The following TG variants were observed in gnomAD, a reference collection of about 807,000 sequenced individuals.
The protein encoded by TG is thyroid hormones.
In TG, 270 loss-of-function variants were observed where a neutral mutation model predicts 324.7. That is an observed-to-expected ratio of 0.83 (90% confidence interval 0.75 to 0.92). The LOEUF (loss-of-function observed/expected upper bound fraction) is 0.92, where lower values mean the gene tolerates loss of function less well. Among genes scored for constraint, TG ranks in the 40% least tolerant of loss-of-function variants. The pLI is 0.00. For synonymous variants in TG, 1,401 were observed against 1,327.0 expected, an observed-to-expected ratio of 1.06 and a Z score of -1.21; for missense variants, 3,591 against 3,456.4, an observed-to-expected ratio of 1.04 and a Z score of -0.98.
chr8:133,099,843 A>G (rs1004783536), intron 43 of TG, among the ~76,000 whole-genome samples: 1 of 152,156 alleles, frequency 6.6e-6, no homozygotes, highest in African/African-American at 2.4e-5. Flanking sequence ...CTCTTCTGCT[A>G]TCACCCTGAT....
Position 133,098,520 on chromosome 8 carries a change from G to A in TG, c.7572+2147G>A, listed in dbSNP as rs16904831. Among the ~76,000 whole-genome samples the A allele has an allele frequency of 4.7e-4, 72 of 152,322 alleles. No individual in the cohort carries two copies. In the East Asian group the frequency reaches 0.011, roughly 24 times the overall value. On this transcript the variant is annotated intron_variant, in intron 43 of 47. Coordinates refer to ENST00000220616, the MANE Select transcript of TG (RefSeq NM_003235.5). Reference sequence around the variant, plus strand: ...CCTTATTTGATACCCTCCTACAGGGGATGCAAAATCTCTGTGCACAAGACA... The same window carrying A: ...CCTTATTTGATACCCTCCTACAGGGAATGCAAAATCTCTGTGCACAAGACA...
At chr8:132,946,579 G>A (rs1466830204) in intron 26 of TG, among the ~76,000 whole-genome samples, 1 of 152,074 alleles carries the variant, frequency 6.6e-6, no homozygotes, top group Non-Finnish European at 1.5e-5. Flanking sequence ...ATTTAGCTCT[G>A]GTGGATTCCC....
At chr8:132,959,412 A>T in intron 27 of TG, among the ~76,000 whole-genome samples, 1 of 152,246 alleles carries the variant, frequency 6.6e-6, no homozygotes. Context: ...TATAATGGAT[A>T]ATAATAGAAA....
At chr8:132,909,408 T>C (rs1056746079) in intron 18 of TG, among the ~76,000 whole-genome samples, 3 of 152,168 alleles carry the variant, frequency 2.0e-5, no homozygotes, top group African/African-American at 4.8e-5. Context: ...TTAAATCCCA[T>C]GCAGAAAGGA....
intron 43 of TG, among the ~76,000 whole-genome samples, chr8:133,104,384 G>A (rs982964538): frequency 1.3e-5 from 2 of 152,228 alleles, no homozygotes; most frequent in Non-Finnish European, 2.9e-5. Context: ...CTAAGGAGAT[G>A]TGTGACCCAG....
chr8:133,062,847 G>A (rs1217666878), intron 41 of TG, among the ~76,000 whole-genome samples: 2 of 152,200 alleles, frequency 1.3e-5, no homozygotes, highest in African/African-American at 2.4e-5. Flanking sequence ...CGCACAGGGT[G>A]TCTTACACAG....
chr8:132,968,636 A>G (rs755491469), intron 31 of TG, among the ~76,000 whole-genome samples: 1 of 152,254 alleles, frequency 6.6e-6, no homozygotes, highest in African/African-American at 2.4e-5. Context: ...GGGGTCCACA[A>G]GCTGACTGGG....
Position 132,888,455 on chromosome 8 carries a change from A to C in TG, c.2648A>C (p.Tyr883Ser). The change falls in exon 10 of 48, where the codon TAC becomes TCC. Residue 883 changes from tyrosine (Y) to serine (S), a missense_variant. Physicochemically the swap from Tyr to Ser is moderately radical, Grantham distance 144. Transcript: ENST00000220616. ...NGQLSQYPGS[Y>S]SDFSTPLAHF... ...CAACTCAGCCAATACCCGGGGTCCT[A>C]CTCAGACTTCAGCACTCCTTTGGCA... 1.2e-6 allele frequency: 2 copies of C among 1,612,028 alleles called. No individual in the cohort carries two copies. Among genetic ancestry groups the C allele is most frequent in the South Asian group, 2.2e-5 (2 of 90,782 alleles).
Position 133,109,599 on chromosome 8 carries a change from C to T in TG, c.7573-3823C>T, listed in dbSNP as rs75157833. 8.4e-3 allele frequency among the ~76,000 whole-genome samples: 1,282 copies of T among 152,264 alleles called. 16 individuals are homozygous for T. Among genetic ancestry groups the T allele is most frequent in the African/African-American group, 0.029 (1,215 of 41,548 alleles). On this transcript the variant is annotated intron_variant, in intron 43 of 47. Coordinates refer to ENST00000220616, the MANE Select transcript of TG (RefSeq NM_003235.5). The stretch of plus-strand genomic sequence containing the variant: ...AAAGCACAGCTGGGTTTGTTCCCCA[C>T]CTGTGTGACTTACTCAGCTGTGTAA...
At position 133,113,554 on chromosome 8, in the gene TG, T is replaced by C; in HGVS notation, c.7705T>C (p.Ser2569Pro). The C allele has an allele frequency of 6.2e-7, 1 of 1,614,130 alleles. No homozygotes were observed. Among genetic ancestry groups the C allele is most frequent in the Non-Finnish European group, 8.5e-7 (1 of 1,180,034 alleles). ...AATWYYSLEH[S>P]TDDYASFSRA... is the part of the protein sequence containing the mutation. ...TACATGGTATTACTCTCTGGAGCAC[T>C]CCACGGATGACTATGCCTCCTTCTC... is the stretch of plus-strand genomic sequence containing the variant. Residue 2569 changes from serine to proline, a missense_variant, in exon 44 of 48, where the codon TCC becomes CCC. By Grantham distance (74) the Ser-to-Pro change is moderately conservative. Coordinates refer to ENST00000220616, the MANE Select transcript of TG (RefSeq NM_003235.5).
Position 132,963,034 on chromosome 8 carries a change from AAAAGACACAG to A in TG, c.5509_5518del (p.Lys1837CysfsTer12), listed in dbSNP as rs1554681801. The stretch of plus-strand genomic sequence containing the variant: ...CTCGGCCTGAGTCTATGGGATGTAG[AAAAGACACAG>A]TGCCAAGGCCAGCATCTCCAACAGA... On this transcript the variant is annotated frameshift_variant, in exon 29 of 48. Coordinates refer to ENST00000220616, the MANE Select transcript of TG (RefSeq NM_003235.5). LOFTEE classifies it high-confidence loss of function. 1 of 1,614,046 alleles carries A rather than the reference AAAAGACACAG, an allele frequency of 6.2e-7. No homozygotes were observed. Among genetic ancestry groups the A allele is most frequent in the Non-Finnish European group, 8.5e-7 (1 of 1,179,934 alleles).
In TG at chr8:132,966,657, C is replaced by T. The variant is rs763899990; in HGVS notation, c.5646C>T (p.His1882=). 1 of 1,614,110 alleles carries T rather than the reference C, an allele frequency of 6.2e-7. No individual in the cohort carries two copies. The highest frequency in any genetic ancestry group is 8.5e-7 in the Non-Finnish European group (1 of 1,179,994). ...LSSQKHWLFK[H]LFSAQQANLW... ...GCCAGAAGCACTGGCTTTTCAAGCA[C>T]CTGTTTTCAGCCCAGCAGGCAAACC... The change falls in exon 30 of 48, where the codon CAC becomes CAT. Residue 1882 remains histidine (H), a synonymous_variant. Transcript: ENST00000220616.
intron 5 of TG, among the ~76,000 whole-genome samples, chr8:132,878,566 C>T (rs1045437011): frequency 3.3e-5 from 5 of 149,564 alleles, no homozygotes; most frequent in Admixed American, 2.0e-4. Flanking sequence ...GCCAAGATCG[C>T]ACCACTGCAC....
chr8:133,035,722 G>A (rs1837047106), intron 41 of TG, among the ~76,000 whole-genome samples: 1 of 152,134 alleles, frequency 6.6e-6, no homozygotes, highest in Admixed American at 6.5e-5. Flanking sequence ...ATCCCATTTT[G>A]TCTCAAAATG....
chr8:133,050,020 G>A (rs1404153283), intron 41 of TG: 1 of 1,442,204 alleles, frequency 6.9e-7, no homozygotes, highest in Non-Finnish European at 9.8e-7. Context: ...AGAACACAGA[G>A]ATAGGTAAAT....
At chr8:133,040,150 G>A (rs746659275) in intron 41 of TG, 1 of 1,574,620 alleles carries the variant, frequency 6.4e-7, no homozygotes. Context: ...GAAGCAGACA[G>A]CCGGTCAGGG....
At chr8:133,086,995 A>G (rs1337442813) in intron 41 of TG, among the ~76,000 whole-genome samples, 1 of 152,138 alleles carries the variant, frequency 6.6e-6, no homozygotes, top group Admixed American at 6.6e-5. Flanking sequence ...ATACAGAATG[A>G]TATCGACAAT....
chr8:133,100,430 T>C (rs1295912468), intron 43 of TG, among the ~76,000 whole-genome samples: 1 of 152,236 alleles, frequency 6.6e-6, no homozygotes, highest in African/African-American at 2.4e-5. Flanking sequence ...CCTAGAAATG[T>C]TTCTAGTTCT....
rs554292452 is a variant in TG, at chr8:133,133,299, C to T, written c.7998-171C>T. On this transcript the variant is annotated intron_variant, in intron 46 of 47. Coordinates refer to ENST00000220616, the MANE Select transcript of TG (RefSeq NM_003235.5). Reference sequence around the variant, plus strand: ...GCTTTGCAGTGCTAGCTTTGCAGTGCAGTCAAGATCACAACCCCAGAAGCC... The same window carrying T: ...GCTTTGCAGTGCTAGCTTTGCAGTGTAGTCAAGATCACAACCCCAGAAGCC... 4.2e-6 allele frequency: 3 copies of T among 709,116 alleles called. No individual in the cohort carries two copies. In the Admixed American group the frequency reaches 6.2e-5, roughly 15 times the overall value. The allele number at this position is 709,116 out of a possible 1,614,324, so 43.9% of individuals were successfully genotyped here. A position where few individuals can be genotyped will look rare whatever the true frequency, so the allele number is the denominator to read the frequency against.
Sources: gnomAD v4.1 joint callset for allele counts (sites outside exome capture counted in the v4.1 genomes callset) on GRCh38, gnomAD v4.1.1 for gene constraint, MANE v1.5 for transcripts, NCBI Gene and HGNC (gene_info 2026-07-23, HGNC 2026-07-21) for gene names.